Variants in TMEM132B observed in about 807,000 individuals in gnomAD.
The protein encoded by TMEM132B is transmembrane protein 132B.
In TMEM132B, 18 loss-of-function variants were observed where a neutral mutation model predicts 90.8. The observed-to-expected ratio is 0.20, with a 90% CI of 0.14 to 0.29. The LOEUF (loss-of-function observed/expected upper bound fraction) is 0.29, where lower values mean the gene tolerates loss of function less well. TMEM132B is among the 10% of genes least tolerant of loss of function. TMEM132B has a pLI of 1.00. For synonymous variants in TMEM132B, 504 were observed against 523.3 expected (o/e 0.96, Z 0.50); for missense variants, 1,096 against 1,326.8 (o/e 0.83, Z 2.70).
chr12:125,404,310 T>C (rs985161655), intron 2 of TMEM132B, among the ~76,000 whole-genome samples: 1 of 152,138 alleles, frequency 6.6e-6, no homozygotes, highest in Non-Finnish European at 1.5e-5. Context: ...AATAAATGGA[T>C]CTACTCTGGC....
chr12:125,488,010 G>T (rs991406612), intron 3 of TMEM132B, among the ~76,000 whole-genome samples: 1 of 152,144 alleles, frequency 6.6e-6, no homozygotes, highest in Admixed American at 6.5e-5. Flanking sequence ...TGGTCTGGTT[G>T]AAGAAGTTTT....
At chr12:125,501,454 T>C (rs1239673989) in intron 3 of TMEM132B, among the ~76,000 whole-genome samples, 3 of 152,200 alleles carry the variant, frequency 2.0e-5, no homozygotes, top group East Asian at 1.9e-4. Flanking sequence ...CATGGTGGTT[T>C]GCTGCATGTA....
At chr12:125,513,551 G>A (rs181124970) in intron 3 of TMEM132B, among the ~76,000 whole-genome samples, 70 of 152,298 alleles carry the variant, frequency 4.6e-4, no homozygotes, top group African/African-American at 1.6e-3. Flanking sequence ...ACAAAGACTT[G>A]AAGGATGCTC....
intron 3 of TMEM132B, among the ~76,000 whole-genome samples, chr12:125,517,562 T>C (rs900467047): frequency 2.0e-5 from 3 of 152,070 alleles, no homozygotes; most frequent in Non-Finnish European, 2.9e-5. Flanking sequence ...CAAGTACCTA[T>C]GTGCAGCTTA....
chr12:125,651,055 C>A, intron 7 of TMEM132B, 102 bp downstream of exon 7: 1 of 1,458,850 alleles, frequency 6.9e-7, no homozygotes, highest in Non-Finnish European at 9.3e-7. Flanking sequence ...TGCATGTGGA[C>A]ATGTATATCA....
chr12:125,318,854 C>G lies in TMEM132B; in HGVS notation c.68-30598C>G, dbSNP rs577402390. 3.3e-5 allele frequency among the ~76,000 whole-genome samples: 5 copies of G among 152,262 alleles called. No individual in the cohort carries two copies. The East Asian group carries it at 9.6e-4, about 29-fold the overall frequency. On this transcript the variant is annotated intron_variant, in intron 1 of 8. Transcript: ENST00000682704. ...GTATGTTCACTGTATTATAAAAATC[C>G]TCTTGTAAAAATATTACATAATCAA...
At chr12:125,423,159 A>G (rs1880217053) in intron 3 of TMEM132B, among the ~76,000 whole-genome samples, 1 of 152,178 alleles carries the variant, frequency 6.6e-6, no homozygotes. Flanking sequence ...TTCCTGGGAG[A>G]CATGAATGAA....
chr12:125,375,133 T>A (rs778060412), intron 2 of TMEM132B, among the ~76,000 whole-genome samples: 3 of 152,204 alleles, frequency 2.0e-5, no homozygotes, highest in Non-Finnish European at 4.4e-5. Context: ...ACTATAATAT[T>A]TGAGCTCAGA....
At chr12:125,496,965 C>T (rs1341430599) in intron 3 of TMEM132B, among the ~76,000 whole-genome samples, 1 of 152,230 alleles carries the variant, frequency 6.6e-6, no homozygotes, top group Non-Finnish European at 1.5e-5. Context: ...CATTTTTAAA[C>T]CATGCATTTA....
At chr12:125,560,781 C>T (rs956015374) in intron 4 of TMEM132B, among the ~76,000 whole-genome samples, 9 of 138,172 alleles carry the variant, frequency 6.5e-5, no homozygotes, top group Admixed American at 3.1e-4. Context: ...GCCAAGATTG[C>T]GCCACTGCAG....
At chr12:125,463,912 G>T (rs1881500495) in intron 3 of TMEM132B, among the ~76,000 whole-genome samples, 1 of 152,170 alleles carries the variant, frequency 6.6e-6, no homozygotes, top group African/African-American at 2.4e-5. Flanking sequence ...GGAGAAGCAG[G>T]CACTGTCTTC....
chr12:125,313,695 T>TC (rs1192924016), intron 1 of TMEM132B, among the ~76,000 whole-genome samples: 1 of 9,168 alleles, frequency 1.1e-4, no homozygotes, highest in Non-Finnish European at 2.1e-4. Context: ...TTCCCTCCCC[T>TC]CCCCCCCTCC....
intron 2 of TMEM132B, among the ~76,000 whole-genome samples, chr12:125,409,823 AGT>A: frequency 9.8e-5 from 1 of 10,176 alleles, no homozygotes; most frequent in Non-Finnish European, 1.9e-4. Context: ...GGAGTGGAGG[AGT>A]GGAGTGGAGT....
Position 125,612,388 on chromosome 12 carries a change from G to A in TMEM132B, c.1437+28394G>A, listed in dbSNP as rs1415329866. 4.6e-5 allele frequency among the ~76,000 whole-genome samples: 7 copies of A among 151,652 alleles called. No homozygotes were observed. The South Asian group carries it at 6.2e-4, about 14-fold the overall frequency. On this transcript the variant is annotated intron_variant, in intron 5 of 8. Coordinates refer to ENST00000682704, the MANE Select transcript of TMEM132B (RefSeq NM_001366854.1). ...TGAGGCAGGAGAATCGCTTGAACCC[G>A]GGAGGTGGAGGTTGCAGTGAGCTGA... is the stretch of plus-strand genomic sequence containing the variant.
At chr12:125,491,894 A>G (rs1254364077) in intron 3 of TMEM132B, among the ~76,000 whole-genome samples, 2 of 152,358 alleles carry the variant, frequency 1.3e-5, no homozygotes, top group East Asian at 3.9e-4. Context: ...AAATAAACAC[A>G]ATATTTAAAC....
intron 3 of TMEM132B, among the ~76,000 whole-genome samples, chr12:125,472,682 G>A (rs575527817): frequency 1.3e-5 from 2 of 152,186 alleles, no homozygotes; most frequent in South Asian, 2.1e-4. Context: ...TAGTACCAGC[G>A]CCTTATAAAA....
intron 4 of TMEM132B, among the ~76,000 whole-genome samples, chr12:125,551,733 T>C (rs1884234863): frequency 6.6e-6 from 1 of 152,162 alleles, no homozygotes; most frequent in Non-Finnish European, 1.5e-5. Context: ...TTTTATTCTC[T>C]CTTATGCAAG....
At chr12:125,453,806 G>C (rs1025174090) in intron 3 of TMEM132B, among the ~76,000 whole-genome samples, 3 of 152,100 alleles carry the variant, frequency 2.0e-5, no homozygotes, top group African/African-American at 7.2e-5. Context: ...TTTTGTAGGG[G>C]CAGATGCCTG....
At chr12:125,315,025 A>G (rs1666840) in intron 1 of TMEM132B, among the ~76,000 whole-genome samples, 3,903 of 152,164 alleles carry the variant, frequency 0.026, 188 homozygotes, top group African/African-American at 0.09. Context: ...TTTCTTTCCT[A>G]TGTGATCTAG....
Sources: allele counts gnomAD v4.1 joint callset (sites outside exome capture counted in the v4.1 genomes callset), GRCh38; gene constraint gnomAD v4.1.1; transcripts MANE v1.5; gene names NCBI Gene and HGNC (gene_info 2026-07-23, HGNC 2026-07-21).